Variants in SMCO2 observed in about 807,000 individuals in gnomAD.
The protein encoded by SMCO2 is single-pass membrane and coiled-coil domain-containing protein 2.
In SMCO2, 25 loss-of-function variants were observed where a neutral mutation model predicts 29.5. That is an observed-to-expected ratio of 0.85 (90% CI 0.62 to 1.18). The LOEUF is 1.18. Ranked by LOEUF, SMCO2 falls within the 50% of genes most tolerant of loss-of-function variation. The pLI is 0.00. For missense variants in SMCO2, 348 were observed against 344.5 expected (o/e 1.01, Z -0.08); for synonymous variants, 117 against 123.3 (o/e 0.95, Z 0.34).
chr12:27,476,478 T>C (rs1010175725), intron 4 of SMCO2, among the ~76,000 whole-genome samples: 1 of 152,210 alleles, frequency 6.6e-6, no homozygotes, highest in Admixed American at 6.5e-5. Context: ...CCAACTGTTA[T>C]TGTATTGAAG....
intron 6 of SMCO2, 82 bp downstream of exon 7, chr12:27,494,438 A>T (rs1480656612): frequency 6.4e-6 from 5 of 780,960 alleles, no homozygotes; most frequent in Non-Finnish European, 9.7e-6. Flanking sequence ...ATTGCCTAGA[A>T]TATGACGGTG....
At chr12:27,449,393 C>G in the SMCO2 span, among the ~76,000 whole-genome samples, 3 of 152,128 alleles carry the variant, frequency 2.0e-5, no homozygotes, top group Non-Finnish European at 4.4e-5. Context: ...ATTATAGGAA[C>G]AAGTTGACAT....
chr12:27,445,264 A>G, the SMCO2 span, among the ~76,000 whole-genome samples: 2 of 152,234 alleles, frequency 1.3e-5, no homozygotes, highest in East Asian at 3.8e-4. Flanking sequence ...AAAATGGTAA[A>G]TATGGTAAAT....
At chr12:27,429,173 G>A in the SMCO2 span, among the ~76,000 whole-genome samples, 1 of 152,066 alleles carries the variant, frequency 6.6e-6, no homozygotes, top group Non-Finnish European at 1.5e-5. Context: ...TAACGTATTA[G>A]TAGCAGATTG....
chr12:27,479,525 A>G (rs1394561886), intron 4 of SMCO2, among the ~76,000 whole-genome samples: 1 of 152,182 alleles, frequency 6.6e-6, no homozygotes, highest in African/African-American at 2.4e-5. Context: ...GCATTAGTTT[A>G]TTAGGGAGAA....
chr12:27,473,355 G>A (rs1277420921), intron 3 of SMCO2, among the ~76,000 whole-genome samples: 1 of 152,024 alleles, frequency 6.6e-6, no homozygotes, highest in Non-Finnish European at 1.5e-5. Flanking sequence ...CTGGTCTCTT[G>A]TCTTCATCCT....
intron 4 of SMCO2, among the ~76,000 whole-genome samples, chr12:27,477,609 A>G (rs560208662): frequency 7.4e-6 from 1 of 135,514 alleles, no homozygotes; most frequent in Admixed American, 7.1e-5. Context: ...AATGTCAGGT[A>G]GGGCTTTCTT....
chr12:27,464,930 G>A (rs1453280354), upstream of SMCO2, among the ~76,000 whole-genome samples: 1 of 149,404 alleles, frequency 6.7e-6, no homozygotes, highest in Non-Finnish European at 1.5e-5. Flanking sequence ...TCAGGAGGCT[G>A]AGGCAGGAGA....
chr12:27,478,019 A>G (rs1949605315), intron 4 of SMCO2, among the ~76,000 whole-genome samples: 1 of 152,134 alleles, frequency 6.6e-6, no homozygotes, highest in African/African-American at 2.4e-5. Flanking sequence ...CATCTGGTGT[A>G]ATAGTCACTT....
intron 2 of SMCO2, 104 bp from the exon 3 acceptor site, chr12:27,472,672 C>A: frequency 1.3e-6 from 1 of 749,020 alleles, no homozygotes; most frequent in Non-Finnish European, 2.1e-6. Flanking sequence ...CTCCCTGGGA[C>A]TGGGGAAGAT....
rs1248138735 is a variant in SMCO2 at position 27,501,433 on chromosome 12, A to C, written c.684-490A>C. Among the ~76,000 whole-genome samples the C allele has an allele frequency of 1.1e-4, 16 of 147,528 alleles. 1 individual carries two copies. Among genetic ancestry groups the C allele is most frequent in the Admixed American group, 1.0e-3 (15 of 14,852 alleles). Reference sequence around the variant, plus strand: ...TCCGTCTCAAAAAAAAAAAAAAAAAAAAAACAAACAAACAAAACAAAACAA... The same window carrying C: ...TCCGTCTCAAAAAAAAAAAAAAAAACAAAACAAACAAACAAAACAAAACAA... On this transcript the variant is annotated intron_variant, in intron 7 of 7. Coordinates refer to ENST00000298876, the Ensembl canonical transcript of SMCO2.
chr12:27,475,509 G>A lies in SMCO2; in HGVS notation c.362+596G>A. 1.5e-5 allele frequency: 22 copies of A among 1,444,040 alleles called. No individual in the cohort carries two copies. The South Asian group carries it at 2.6e-4, about 17-fold the overall frequency. 89.5% of individuals were successfully genotyped at this position (1,444,040 alleles called of 1,614,324 possible). A position where few individuals can be genotyped will look rare whatever the true frequency, so the allele number is the denominator to read the frequency against. ...AAACAGATCAACTCGCTATTCAAAG[G>A]AAGAGCATTTCAGGCTATGTGAATT... On this transcript the variant is annotated intron_variant, in intron 4 of 7. Transcript: ENST00000298876.
At chr12:27,429,716 G>A in the SMCO2 span, among the ~76,000 whole-genome samples, 1 of 152,084 alleles carries the variant, frequency 6.6e-6, no homozygotes, top group African/African-American at 2.4e-5. Flanking sequence ...TAATATGACA[G>A]CTAACATCCC....
chr12:27,474,512 G>A (rs182005770), intron 3 of SMCO2, among the ~76,000 whole-genome samples: 2 of 151,996 alleles, frequency 1.3e-5, no homozygotes, highest in Admixed American at 1.3e-4. Flanking sequence ...GTGGAGTTTT[G>A]GAGTCCGTGG....
chr12:27,438,593 CCTT>C, the SMCO2 span, among the ~76,000 whole-genome samples: 845 of 152,340 alleles, frequency 5.5e-3, 4 homozygotes, highest in Middle Eastern at 0.01. Flanking sequence ...ACTCATCTCT[CCTT>C]CTTACTCTAT....
At chr12:27,458,834 C>A in the SMCO2 span, among the ~76,000 whole-genome samples, 6,047 of 145,802 alleles carry the variant, frequency 0.041, 146 homozygotes, top group Non-Finnish European at 0.061. Context: ...TTGCAGTGAG[C>A]TGAGATTGTG....
chr12:27,465,426 C>T (rs1949491273), upstream of SMCO2, among the ~76,000 whole-genome samples: 3 of 152,132 alleles, frequency 2.0e-5, no homozygotes, highest in South Asian at 6.2e-4. Flanking sequence ...AAGGTGGGGA[C>T]TGAAGGCTGG....
At chr12:27,453,735 T>A in the SMCO2 span, among the ~76,000 whole-genome samples, 1,108 of 152,324 alleles carry the variant, frequency 7.3e-3, 5 homozygotes, top group Non-Finnish European at 0.011. Context: ...TGAATTCAAG[T>A]AAGTACAGCA....
In SMCO2 at chr12:27,472,768, G is replaced by A; in HGVS notation, c.135-8G>A. On this transcript the variant is annotated splice_polypyrimidine_tract_variant and splice_region_variant and intron_variant, in intron 2 of 7. Coordinates refer to ENST00000298876, the Ensembl canonical transcript of SMCO2. ...TAACAGCCTCTGTTTGGATTGTGTG[G>A]CTTGCAGTTTGCTAAAGGAAATTAT... is the stretch of plus-strand genomic sequence containing the variant. 6.5e-7 allele frequency: 1 copy of A among 1,549,188 alleles called. No individual in the cohort carries two copies. Among genetic ancestry groups the A allele is most frequent in the Non-Finnish European group, 8.7e-7 (1 of 1,145,422 alleles).
Sources: allele counts gnomAD v4.1 joint callset (sites outside exome capture counted in the v4.1 genomes callset), GRCh38; gene constraint gnomAD v4.1.1; transcripts MANE v1.5; gene names NCBI Gene and HGNC (gene_info 2026-07-23, HGNC 2026-07-21).